MAPT: variants seen among roughly 807,000 people sequenced by gnomAD.
MAPT encodes microtubule-associated protein tau.
Under a neutral mutation model 67.9 loss-of-function variants are expected in MAPT, and 34 were observed. The ratio of observed to expected loss-of-function variants is 0.50; its 90% CI spans 0.38 to 0.67. The LOEUF (loss-of-function observed/expected upper bound fraction) is 0.67. MAPT is among the 30% of genes least tolerant of loss of function. The pLI, the probability that MAPT is intolerant of heterozygous loss-of-function variation, is 0.00. For synonymous variants in MAPT, 456 were observed against 464.5 expected (o/e 0.98, Z 0.23); for missense variants, 881 against 1,115.2 (o/e 0.79, Z 2.99).
intron 2 of MAPT, among the ~76,000 whole-genome samples, chr17:45,963,357 TC>T (rs764493795): frequency 1.3e-5 from 2 of 152,194 alleles, no homozygotes; most frequent in Non-Finnish European, 2.9e-5. Flanking sequence ...CCCTCTGCCT[TC>T]CCATGCTGGC....
intron 1 of MAPT, among the ~76,000 whole-genome samples, chr17:45,938,278 T>C (rs1407417423): frequency 6.6e-6 from 1 of 152,218 alleles, no homozygotes; most frequent in Non-Finnish European, 1.5e-5. Context: ...TTTTCTTCCT[T>C]TTTCCAGCTT....
chr17:45,983,226 G>T lies in MAPT; in HGVS notation c.647G>T (p.Gly216Val). The change falls in exon 5 of 13, where the codon GGC becomes GTC. Residue 216 changes from glycine to valine, a missense_variant. This residue lies in a region of MAPT where 687 missense variants were observed against 766.1 expected (regional missense o/e 0.90). Transcript: ENST00000262410. ...VVQEGFLREP[G>V]PPGLSHQLMS... is the part of the protein sequence containing the mutation. Reference sequence around the variant, plus strand: ...CAGGAAGGCTTCCTCCGAGAGCCAGGCCCCCCAGGTCTGAGCCACCAGCTC... The same window carrying T: ...CAGGAAGGCTTCCTCCGAGAGCCAGTCCCCCCAGGTCTGAGCCACCAGCTC... 2.5e-6 allele frequency: 4 copies of T among 1,606,270 alleles called. No homozygotes were observed. The highest frequency in any genetic ancestry group is 3.4e-6 in the Non-Finnish European group (4 of 1,176,738).
At chr17:45,946,615 A>AAAAAAAAAAATATATATATATATAT in intron 1 of MAPT, among the ~76,000 whole-genome samples, 113 of 100,226 alleles carry the variant, frequency 1.1e-3, no homozygotes, top group Non-Finnish European at 1.9e-3. Context: ...AAAAAAAAAA[A>AAAAAAAAAAATATATATATATATAT]ATATATATAT....
chr17:45,978,321 T>C lies in MAPT; in HGVS notation c.221-54T>C, dbSNP rs768299753. 3.5e-6 allele frequency: 5 copies of C among 1,418,022 alleles called. No homozygotes were observed. In the East Asian group the frequency reaches 1.1e-4, roughly 32 times the overall value. 87.8% of individuals were successfully genotyped at this position (1,418,022 alleles called of 1,614,324 possible). A position where few individuals can be genotyped will look rare whatever the true frequency, so the allele number is the denominator to read the frequency against. Reference sequence around the variant, plus strand: ...AAGGTACAGAGAGCTTGGTTTCTAGTAAACAATAACTGTCTTGCTTTTACC... The same window carrying C: ...AAGGTACAGAGAGCTTGGTTTCTAGCAAACAATAACTGTCTTGCTTTTACC... On this transcript the variant is annotated intron_variant, in intron 3 of 12. Coordinates refer to ENST00000262410, the MANE Select transcript of MAPT (RefSeq NM_001377265.1).
At chr17:45,918,412 A>G (rs1302533968) in intron 1 of MAPT, among the ~76,000 whole-genome samples, 3 of 152,124 alleles carry the variant, frequency 2.0e-5, no homozygotes, top group African/African-American at 2.4e-5. Context: ...GCTGCCCCCT[A>G]CTAGCTGTGT....
intron 10 of MAPT, among the ~76,000 whole-genome samples, chr17:46,012,365 G>A (rs1328846945): frequency 2.6e-5 from 4 of 152,160 alleles, no homozygotes; most frequent in Non-Finnish European, 5.9e-5. Context: ...GTGCTCGTCT[G>A]CGGGCTAGCC....
At chr17:45,997,603 C>A (rs182569028) in intron 9 of MAPT, among the ~76,000 whole-genome samples, 51 of 152,248 alleles carry the variant, frequency 3.3e-4, no homozygotes, top group Middle Eastern at 3.4e-3. Flanking sequence ...ACTAAAAATA[C>A]AAAAATACCT....
intron 1 of MAPT, among the ~76,000 whole-genome samples, chr17:45,941,567 C>A (rs1048735443): frequency 6.6e-6 from 1 of 151,768 alleles, no homozygotes; most frequent in African/African-American, 2.4e-5. Flanking sequence ...TTCTTTCTTG[C>A]CAGCTTTTTC....
chr17:45,903,839 T>TTTTTATATATTATATA lies in MAPT; in HGVS notation c.-18+9156_-18+9157insTATATATTATATATTT, dbSNP rs1555673591. Among the ~76,000 whole-genome samples, 6 of 18,028 alleles carry TTTTTATATATTATATA rather than the reference T, an allele frequency of 3.3e-4. No homozygotes were observed. In the South Asian group the frequency reaches 3.5e-3, roughly 10 times the overall value. 11.8% of individuals were successfully genotyped at this position (18,028 alleles called of 152,430 possible). On this transcript the variant is annotated intron_variant, in intron 1 of 12. Coordinates refer to ENST00000262410, the MANE Select transcript of MAPT (RefSeq NM_001377265.1). ...ATATAAATATATTATATATTATATA[T>TTTTTATATATTATATA]TTTATATATTATATATTATATATAT...
chr17:45,965,656 T>C (rs1271420000), intron 2 of MAPT, among the ~76,000 whole-genome samples: 1 of 151,532 alleles, frequency 6.6e-6, no homozygotes, highest in Non-Finnish European at 1.5e-5. Flanking sequence ...CCTCAGGTAA[T>C]CCGCCCACCT....
At chr17:45,905,541 TA>T (rs1206306641) in intron 1 of MAPT, among the ~76,000 whole-genome samples, 2 of 151,914 alleles carry the variant, frequency 1.3e-5, no homozygotes, top group Admixed American at 1.3e-4. Context: ...TGGGCCAAGT[TA>T]AAAAAAATAA....
In MAPT at chr17:45,971,036, A is replaced by G. The variant is rs915979795; in HGVS notation, c.134-823A>G. On this transcript the variant is annotated intron_variant, in intron 2 of 12. Coordinates refer to ENST00000262410, the MANE Select transcript of MAPT (RefSeq NM_001377265.1). This position sits in a 1 kb window ranked among gnomAD's most constrained non-coding sequence, Gnocchi z 4.3. ...TGACCTGCTCAGCCCTGGATACTGC[A>G]TGATGCATTGATAAGCCCATAAAAT... Among the ~76,000 whole-genome samples, 6 of 152,210 alleles carry G rather than the reference A, an allele frequency of 3.9e-5. No homozygotes were observed. Among genetic ancestry groups the G allele is most frequent in the African/African-American group, 1.4e-4 (6 of 41,456 alleles).
chr17:45,929,939 G>A (rs2066691818), intron 1 of MAPT, among the ~76,000 whole-genome samples: 1 of 152,176 alleles, frequency 6.6e-6, no homozygotes, highest in Non-Finnish European at 1.5e-5. Flanking sequence ...TCCAGTTCCT[G>A]CAATATCCAC....
intron 5 of MAPT, chr17:45,985,804 C>A: frequency 1.3e-6 from 1 of 790,726 alleles, no homozygotes; most frequent in Non-Finnish European, 1.5e-6. Context: ...CCACTTTAGG[C>A]TTACAGACCC....
chr17:45,988,017 A>G (rs1476106944), intron 6 of MAPT, among the ~76,000 whole-genome samples: 2 of 152,178 alleles, frequency 1.3e-5, no homozygotes, highest in Non-Finnish European at 2.9e-5. Context: ...CCCAGAGTCT[A>G]GGGAGGGGAA....
At chr17:45,937,025 G>A (rs1568199543) in intron 1 of MAPT, among the ~76,000 whole-genome samples, 1 of 152,078 alleles carries the variant, frequency 6.6e-6, no homozygotes, top group Non-Finnish European at 1.5e-5. Context: ...CCCGTCCCAC[G>A]CCTACTCAGA....
intron 9 of MAPT, chr17:45,999,519 TGAAGAGAGCAGCAG>T (rs761424341): frequency 3.1e-6 from 5 of 1,613,810 alleles, no homozygotes; most frequent in Non-Finnish European, 4.2e-6. Context: ...CTTACAGCTC[TGAAGAGAGCAGCAG>T]GAATGGGGCT....
rs1268921165 is a variant in MAPT, at chr17:46,025,970, G to C, written c.*1799G>C. The C allele has an allele frequency of 6.6e-6, 1 of 152,108 alleles. No homozygotes were observed. Among genetic ancestry groups the C allele is most frequent in the African/African-American group, 2.4e-5 (1 of 41,390 alleles). 9.4% of individuals were successfully genotyped at this position (152,108 alleles called of 1,614,324 possible). A position where few individuals can be genotyped will look rare whatever the true frequency, so the allele number is the denominator to read the frequency against. On this transcript the variant is annotated 3_prime_UTR_variant, in exon 13 of 13. Transcript: ENST00000262410. ...TGGAAGCCATGCTGTCTGTTCTGCT[G>C]GAGCAGCTGAACATATACATAGATG... is the stretch of plus-strand genomic sequence containing the variant.
At chr17:45,945,937 G>A (rs1036960626) in intron 1 of MAPT, among the ~76,000 whole-genome samples, 1 of 152,162 alleles carries the variant, frequency 6.6e-6, no homozygotes, top group African/African-American at 2.4e-5. Context: ...GCATAGGAGA[G>A]GGGTCTGCAA....
Sources: allele counts gnomAD v4.1 joint callset (sites outside exome capture counted in the v4.1 genomes callset), GRCh38; gene constraint gnomAD v4.1.1; regional missense constraint gnomAD v4.1.1; non-coding constraint Gnocchi (gnomAD v3.1); transcripts MANE v1.5; gene names NCBI Gene and HGNC (gene_info 2026-07-23, HGNC 2026-07-21).